Variants in SV2C observed in about 807,000 individuals in gnomAD.
The protein encoded by SV2C is solute carrier family 22 member B3.
Under a neutral mutation model 79.7 loss-of-function variants are expected in SV2C, and 49 were observed. That is an observed-to-expected ratio of 0.61 (90% CI 0.49 to 0.78). The LOEUF is 0.78. SV2C is among the 30% of genes least tolerant of loss of function. The pLI is 0.00. For missense variants in SV2C, 833 were observed against 912.9 expected, an observed-to-expected ratio of 0.91 and a Z score of 1.13; for synonymous variants, 334 against 333.2, an observed-to-expected ratio of 1.00 and a Z score of -0.03.
chr5:76,289,263 T>A (rs1747463254), intron 6 of SV2C, among the ~76,000 whole-genome samples: 1 of 152,208 alleles, frequency 6.6e-6, no homozygotes, highest in Admixed American at 6.5e-5. Flanking sequence ...CATTTTCAGC[T>A]AACTTCCACT....
At chr5:75,972,897 A>G in the SV2C span, among the ~76,000 whole-genome samples, 1 of 152,120 alleles carries the variant, frequency 6.6e-6, no homozygotes, top group Admixed American at 6.5e-5. Context: ...TTGAGGCCCT[A>G]TTCACAATAG....
At chr5:76,017,675 A>C in the SV2C span, among the ~76,000 whole-genome samples, 1 of 152,224 alleles carries the variant, frequency 6.6e-6, no homozygotes, top group South Asian at 2.1e-4. Context: ...TAACCAACAC[A>C]AAAATCATTT....
chr5:76,251,466 G>A (rs2112439675), intron 4 of SV2C, among the ~76,000 whole-genome samples: 1 of 152,290 alleles, frequency 6.6e-6, no homozygotes, highest in East Asian at 1.9e-4. Context: ...GTGGAAAGAT[G>A]CTTGAGCCCA....
chr5:76,213,281 G>A (rs2112361610), intron 4 of SV2C, among the ~76,000 whole-genome samples: 1 of 152,278 alleles, frequency 6.6e-6, no homozygotes, highest in East Asian at 1.9e-4. Context: ...CTTGCAATTT[G>A]AAGAGTTTTA....
chr5:76,089,741 T>C (rs1456631903), intron 1 of SV2C, among the ~76,000 whole-genome samples: 2 of 152,218 alleles, frequency 1.3e-5, no homozygotes, highest in Non-Finnish European at 2.9e-5. Context: ...TGAGAAGGTA[T>C]CTCATTGTGG....
At chr5:76,126,445 C>T (rs927690316) in intron 1 of SV2C, among the ~76,000 whole-genome samples, 1 of 152,124 alleles carries the variant, frequency 6.6e-6, no homozygotes, top group African/African-American at 2.4e-5. Flanking sequence ...CAAAGATGTG[C>T]TCAGTGCGGA....
the SV2C span, among the ~76,000 whole-genome samples, chr5:75,982,229 A>C: frequency 7.8e-6 from 1 of 128,564 alleles, no homozygotes; most frequent in Admixed American, 7.3e-5. Flanking sequence ...TTAATTAAAA[A>C]AATAAAAAGA....
the SV2C span, among the ~76,000 whole-genome samples, chr5:75,889,915 C>G: frequency 6.6e-6 from 1 of 152,066 alleles, no homozygotes; most frequent in Non-Finnish European, 1.5e-5. Flanking sequence ...GTAACTTTTA[C>G]AGGTGATTCG....
the SV2C span, among the ~76,000 whole-genome samples, chr5:76,076,938 T>C: frequency 2.0e-5 from 3 of 152,206 alleles, no homozygotes; most frequent in African/African-American, 7.2e-5. Flanking sequence ...AGGTTTTGTC[T>C]TGTATCCCCC....
chr5:76,194,309 C>G (rs1226571945), intron 2 of SV2C, among the ~76,000 whole-genome samples: 1 of 152,174 alleles, frequency 6.6e-6, no homozygotes, highest in Non-Finnish European at 1.5e-5. Flanking sequence ...TATAAAGATG[C>G]TTAGCTAGTG....
At chr5:76,208,993 G>A (rs985539301) in intron 3 of SV2C, among the ~76,000 whole-genome samples, 2 of 152,148 alleles carry the variant, frequency 1.3e-5, no homozygotes, top group Non-Finnish European at 2.9e-5. Context: ...CTGGGTAGAG[G>A]TCACTGTTTC....
the SV2C span, among the ~76,000 whole-genome samples, chr5:75,876,044 TC>T: frequency 2.0e-5 from 3 of 152,026 alleles, no homozygotes; most frequent in Non-Finnish European, 4.4e-5. Context: ...AGAACTACCA[TC>T]CAACCCAGCA....
At chr5:76,116,348 C>A (rs905434691) in intron 1 of SV2C, among the ~76,000 whole-genome samples, 17 of 152,204 alleles carry the variant, frequency 1.1e-4, no homozygotes, top group Admixed American at 7.9e-4. Context: ...CAGTCTCTGA[C>A]TTTTAGCTCC....
chr5:75,860,431 A>G, the SV2C span, among the ~76,000 whole-genome samples: 1 of 152,246 alleles, frequency 6.6e-6, no homozygotes, highest in Non-Finnish European at 1.5e-5. Flanking sequence ...CTGCAAAAAT[A>G]TCATAAATGA....
At chr5:76,010,751 A>G in the SV2C span, among the ~76,000 whole-genome samples, 1 of 152,172 alleles carries the variant, frequency 6.6e-6, no homozygotes, top group Admixed American at 6.5e-5. Flanking sequence ...AAAAGGGTCC[A>G]GGCAGTATGT....
At chr5:75,911,035 G>C in the SV2C span, 9 of 1,116,704 alleles carry the variant, frequency 8.1e-6, no homozygotes, top group Non-Finnish European at 1.2e-5. Flanking sequence ...TTTCCTTGAA[G>C]AGTGAGAGTG....
the SV2C span, among the ~76,000 whole-genome samples, chr5:76,021,159 T>C: frequency 1.3e-5 from 2 of 152,212 alleles, no homozygotes; most frequent in African/African-American, 4.8e-5. Context: ...AGCAGTGCTC[T>C]TTATAAGACT....
At position 76,326,022 on chromosome 5, in the gene SV2C, A is replaced by T. The variant is rs939845091; in HGVS notation, c.*475A>T. ...AGAGTGATATTTCCTGTTTACTTAG[A>T]AAAGGACACCCAGTAATTCTCACTG... On this transcript the variant is annotated 3_prime_UTR_variant, in exon 13 of 13. Transcript: ENST00000502798. 1.3e-5 allele frequency: 2 copies of T among 153,376 alleles called. No homozygotes were observed. Among genetic ancestry groups the T allele is most frequent in the Admixed American group, 1.3e-4 (2 of 15,440 alleles). The allele number at this position is 153,376 out of a possible 1,614,324, so 9.5% of individuals were successfully genotyped here.
intron 1 of SV2C, among the ~76,000 whole-genome samples, chr5:76,112,501 G>A (rs115655862): frequency 0.02 from 3,000 of 152,270 alleles, 113 homozygotes; most frequent in African/African-American, 0.062. Flanking sequence ...AAGGGGATGG[G>A]GGGGAGGACC....
Sources: gnomAD v4.1 joint callset for allele counts (sites outside exome capture counted in the v4.1 genomes callset) on GRCh38, gnomAD v4.1.1 for gene constraint, MANE v1.5 for transcripts, NCBI Gene and HGNC (gene_info 2026-07-23, HGNC 2026-07-21) for gene names.